The following ASTN1 variants were observed in gnomAD, a reference collection of about 807,000 sequenced individuals.
ASTN1 encodes the protein astrotactin-1.
In ASTN1, 41 loss-of-function variants were observed where a neutral mutation model predicts 140.7. That is an observed-to-expected ratio of 0.29 (90% CI 0.23 to 0.38). The LOEUF (loss-of-function observed/expected upper bound fraction) is 0.38. Among genes scored for constraint, ASTN1 ranks in the 10% least tolerant of loss-of-function variants. The pLI, the probability that ASTN1 is intolerant of heterozygous loss-of-function variation, is 1.00. For synonymous variants in ASTN1, 640 were observed against 652.2 expected, an observed-to-expected ratio of 0.98 and a Z score of 0.29; for missense variants, 1,479 against 1,678.8, an observed-to-expected ratio of 0.88 and a Z score of 2.08.
intron 16 of ASTN1, among the ~76,000 whole-genome samples, chr1:176,916,028 A>G (rs1417863518): frequency 6.6e-6 from 1 of 152,140 alleles, no homozygotes; most frequent in Non-Finnish European, 1.5e-5. Flanking sequence ...CTCCACCCAA[A>G]TGGCTTTCAA....
intron 22 of ASTN1, 94 bp from the exon 23 acceptor site, chr1:176,864,615 G>C: frequency 6.6e-7 from 1 of 1,522,652 alleles, no homozygotes; most frequent in Non-Finnish European, 8.8e-7. Flanking sequence ...AACTTCAAGA[G>C]GGAAGAGTGT....
intron 1 of ASTN1, among the ~76,000 whole-genome samples, chr1:177,077,287 T>C (rs1184833276): frequency 6.6e-6 from 1 of 152,058 alleles, no homozygotes; most frequent in Non-Finnish European, 1.5e-5. Context: ...GCTGCTCCAA[T>C]TGCAGTCACA....
intron 1 of ASTN1, among the ~76,000 whole-genome samples, chr1:177,075,760 T>C (rs1327373877): frequency 6.7e-6 from 1 of 150,338 alleles, no homozygotes; most frequent in Admixed American, 6.6e-5. Context: ...AATCCTTCCA[T>C]CTCAGCCTCC....
At chr1:177,053,697 A>T (rs1226362053) in intron 2 of ASTN1, among the ~76,000 whole-genome samples, 1 of 152,198 alleles carries the variant, frequency 6.6e-6, no homozygotes, top group East Asian at 1.9e-4. Flanking sequence ...TCCCGCAAAA[A>T]TGCAAAAGTT....
rs1672470881 is a variant in ASTN1, at chr1:176,957,706, T to C, written c.1859A>G (p.Asp620Gly). 1 of 1,613,988 alleles carries C rather than the reference T, an allele frequency of 6.2e-7. No individual in the cohort carries two copies. Among genetic ancestry groups the C allele is most frequent in the Non-Finnish European group, 8.5e-7 (1 of 1,179,976 alleles). The change falls in exon 11 of 23, where the codon GAT (aspartate) becomes GGT (glycine). Residue 620 changes from aspartate (D) to glycine (G), a missense_variant. Around this residue, in one of 3 missense-constraint regions of ASTN1, gnomAD observed 729 missense variants for 860.4 expected, o/e 0.85. Coordinates refer to ENST00000361833, the MANE Select transcript of ASTN1 (RefSeq NM_004319.3). ...GCAACCAGTGGAGTCCAGCTTGCGATCTGAAATACAGCGGAAATTCTTACT... is the reference window on the plus strand; with the variant it reads ...GCAACCAGTGGAGTCCAGCTTGCGACCTGAAATACAGCGGAAATTCTTACT... Reference protein sequence around the residue: ...GCSKNFRCISDRKLDSTGCVC... With the variant: ...GCSKNFRCISGRKLDSTGCVC...
In ASTN1 at chr1:177,005,130, T is replaced by C. The variant is rs1331744432; in HGVS notation, c.1523+9661A>G. ...ATATCCAAAATCTACAAGGAATTCA[T>C]ATAAATCAGCAAGAAAAGAAATCCC... On this transcript the variant is annotated intron_variant, in intron 8 of 22. Coordinates refer to ENST00000361833, the MANE Select transcript of ASTN1 (RefSeq NM_004319.3). Among the ~76,000 whole-genome samples the C allele has an allele frequency of 2.6e-5, 4 of 151,948 alleles. No individual in the cohort carries two copies. The East Asian group carries it at 5.8e-4, about 22-fold the overall frequency.
chr1:176,872,602 A>T (rs778822853), intron 21 of ASTN1, among the ~76,000 whole-genome samples: 53 of 152,156 alleles, frequency 3.5e-4, no homozygotes, highest in Non-Finnish European at 6.9e-4. Context: ...CCCCTTGCTC[A>T]CAGTCCTCCA....
At chr1:177,100,444 C>A (rs1412066599) in intron 1 of ASTN1, among the ~76,000 whole-genome samples, 2 of 152,116 alleles carry the variant, frequency 1.3e-5, no homozygotes, top group African/African-American at 4.8e-5. Flanking sequence ...TTAGAAACTG[C>A]ATACACATAG....
At chr1:176,983,136 G>A (rs1673707792) in intron 8 of ASTN1, among the ~76,000 whole-genome samples, 1 of 152,172 alleles carries the variant, frequency 6.6e-6, no homozygotes, top group Non-Finnish European at 1.5e-5. Context: ...GCTGAAGAAT[G>A]TGTGAGAACA....
intron 5 of ASTN1, chr1:177,029,226 C>A: frequency 2.3e-6 from 1 of 438,354 alleles, no homozygotes; most frequent in South Asian, 1.7e-5. Context: ...CCAATCCTTG[C>A]CTAGCTCAAA....
intron 8 of ASTN1, among the ~76,000 whole-genome samples, chr1:177,004,533 G>C (rs1674901664): frequency 6.6e-6 from 1 of 152,070 alleles, no homozygotes; most frequent in Non-Finnish European, 1.5e-5. Flanking sequence ...GCAATCCTAA[G>C]TAAAAATAAC....
intron 8 of ASTN1, among the ~76,000 whole-genome samples, chr1:176,997,027 A>G (rs1674488623): frequency 6.6e-6 from 1 of 152,204 alleles, no homozygotes; most frequent in East Asian, 1.9e-4. Flanking sequence ...TGGTCAGCTG[A>G]AAGGTTTTAA....
chr1:177,008,089 G>A (rs1276565584), intron 8 of ASTN1, among the ~76,000 whole-genome samples: 3 of 152,190 alleles, frequency 2.0e-5, no homozygotes, highest in Non-Finnish European at 4.4e-5. Flanking sequence ...CAACTGGAGG[G>A]GACGATTCTG....
At chr1:176,922,963 C>T (rs896813595) in intron 16 of ASTN1, among the ~76,000 whole-genome samples, 13 of 152,220 alleles carry the variant, frequency 8.5e-5, no homozygotes, top group African/African-American at 2.2e-4. Flanking sequence ...CTAGATATTG[C>T]GCTTTATGTA....
chr1:177,073,840 CA>C (rs1678762759), intron 1 of ASTN1, among the ~76,000 whole-genome samples: 1 of 151,356 alleles, frequency 6.6e-6, no homozygotes, highest in South Asian at 2.1e-4. Context: ...AAACATCTAT[CA>C]AAGGGCTGTT....
intron 1 of ASTN1, among the ~76,000 whole-genome samples, chr1:177,113,376 C>T (rs535137381): frequency 2.0e-5 from 3 of 152,308 alleles, no homozygotes; most frequent in South Asian, 2.1e-4. Flanking sequence ...CTGCTTGGAA[C>T]CAGAAATGTT....
rs549157469 is a variant in ASTN1, at chr1:176,920,885, T to C, written c.2671+13267A>G. Among the ~76,000 whole-genome samples, 7 of 152,350 alleles carry C rather than the reference T, an allele frequency of 4.6e-5. No homozygotes were observed. The South Asian group carries it at 1.5e-3, about 32-fold the overall frequency. ...TACATCATTATTGCAAAGGAATTCATAGATTTCCCTCAAGGTGCTGCTAAT... is the reference window on the plus strand; with the variant it reads ...TACATCATTATTGCAAAGGAATTCACAGATTTCCCTCAAGGTGCTGCTAAT... On this transcript the variant is annotated intron_variant, in intron 16 of 22. Coordinates refer to ENST00000361833, the MANE Select transcript of ASTN1 (RefSeq NM_004319.3).
rs370485432 is a variant in ASTN1, at chr1:176,965,211, C to T, written c.1550G>A (p.Arg517Gln). The T allele has an allele frequency of 2.7e-5, 44 of 1,613,844 alleles. No homozygotes were observed. The highest frequency in any genetic ancestry group is 5.0e-5 in the Admixed American group (3 of 59,994). ...CTCTCCCAAAACCAGGTCAAAGCCT[C>T]GCTGAAATATTGTGTAAGGCCATGG... ...QGPWPYTIFQ[R>Q]GFDLVLGEQP... The change falls in exon 9 of 23, where the codon CGA becomes CAA. Residue 517 changes from arginine (R) to glutamine (Q), a missense_variant. Coordinates refer to ENST00000361833, the MANE Select transcript of ASTN1 (RefSeq NM_004319.3).
Position 177,002,714 on chromosome 1 carries a change from C to A in ASTN1, c.1523+12077G>T, listed in dbSNP as rs2101916333. On this transcript the variant is annotated intron_variant, in intron 8 of 22. Coordinates refer to ENST00000361833, the MANE Select transcript of ASTN1 (RefSeq NM_004319.3). The stretch of plus-strand genomic sequence containing the variant: ...AATGATTATAGTATGAGTGTTTGAA[C>A]AAGAATCCATTGTACTGGCATAGGA... 2.0e-5 allele frequency among the ~76,000 whole-genome samples: 3 copies of A among 152,228 alleles called. 1 individual carries two copies. Among genetic ancestry groups the A allele is most frequent in the Middle Eastern group, 6.8e-3 (2 of 294 alleles).
Sources: gnomAD v4.1 joint callset for allele counts (sites outside exome capture counted in the v4.1 genomes callset) on GRCh38, gnomAD v4.1.1 for gene constraint, gnomAD v4.1.1 regional missense constraint, MANE v1.5 for transcripts, NCBI Gene and HGNC (gene_info 2026-07-23, HGNC 2026-07-21) for gene names.